The following SDR39U1 variants were observed in gnomAD, a reference collection of about 807,000 sequenced individuals.
SDR39U1 encodes the protein short chain dehydrogenase/reductase family 39U member 1, also known as epimerase family protein SDR39U1.
SDR39U1 carries 29 observed loss-of-function variants against 31.7 expected under a neutral mutation model. That is an observed-to-expected ratio of 0.92 (90% CI 0.68 to 1.25). The LOEUF is 1.25. Ranked by LOEUF, SDR39U1 falls within the 50% of genes most tolerant of loss-of-function variation. The pLI, the probability that SDR39U1 is intolerant of heterozygous loss-of-function variation, is 0.00. For synonymous variants in SDR39U1, 147 were observed against 159.0 expected, an observed-to-expected ratio of 0.92 and a Z score of 0.57; for missense variants, 403 against 378.4, an observed-to-expected ratio of 1.06 and a Z score of -0.54.
rs1444105234 is a variant in SDR39U1 at position 24,442,344 on chromosome 14, A to G, written c.123+2T>C. On this transcript the variant is annotated splice_donor_variant, in intron 2 of 5. Coordinates refer to ENST00000399395, the MANE Select transcript of SDR39U1 (RefSeq NM_020195.3). LOFTEE classifies it high-confidence loss of function. ...CCACCCGCTTCCAGAGGATGGACTT[A>G]CCCACGTGATCCGGCCGGGCCCGGG... 6.2e-7 allele frequency: 1 copy of G among 1,610,168 alleles called. No individual in the cohort carries two copies. The highest frequency in any genetic ancestry group is 8.5e-7 in the Non-Finnish European group (1 of 1,178,412).
At chr14:24,441,008 C>T (rs1566507075) in intron 4 of SDR39U1, 82 bp from the exon 5 acceptor site, 2 of 1,421,906 alleles carry the variant, frequency 1.4e-6, no homozygotes, top group Non-Finnish European at 2.0e-6. Flanking sequence ...CTTGGCCTCA[C>T]CTTCTCTGGC....
chr14:24,441,081 G>T, intron 4 of SDR39U1, 155 bp from the exon 5 acceptor site: 1 of 819,142 alleles, frequency 1.2e-6, no homozygotes, highest in Non-Finnish European at 2.0e-6. Context: ...ACTTCTCCAT[G>T]ACCTGAAGCG....
Position 24,442,207 on chromosome 14 carries a change from G to A in SDR39U1, c.177C>T (p.Ala59=), listed in dbSNP as rs753761597. The change falls in exon 3 of 6, where the codon GCC becomes GCT. Residue 59 remains alanine (A), a synonymous_variant. Transcript: ENST00000399395. ...GGAGAGGGTTGAGGATGTTCTCTCC[G>A]GCCAGGTTGACGGCGGCATCGCAGC... ...LPSCDAAVNL[A]GENILNPLRR... is the part of the protein sequence containing the mutation. 3 of 1,611,982 alleles carry A rather than the reference G, an allele frequency of 1.9e-6. No individual in the cohort carries two copies. The highest frequency in any genetic ancestry group is 2.7e-5 in the African/African-American group (2 of 74,878).
intron 4 of SDR39U1, chr14:24,441,250 T>C (rs1231251657): frequency 8.6e-6 from 4 of 464,862 alleles, no homozygotes; most frequent in African/African-American, 2.0e-5. Context: ...CCTCTCTGTA[T>C]AGAATTTTCA....
Position 24,440,442 on chromosome 14 carries a change from A to T in SDR39U1, c.523T>A (p.Phe175Ile). 2 of 1,611,872 alleles carry T rather than the reference A, an allele frequency of 1.2e-6. No individual in the cohort carries two copies. ...ATGGGGCCCCCCAGGCCCAGGCGAA[A>T]GGGCAGCAGCATGTGGCCCATGGCA... ...GGAMGHMLLP[F>I]RLGLGGPIGS... is the part of the protein sequence containing the mutation. The change falls in exon 6 of 6, where the codon TTT becomes ATT. Residue 175 changes from phenylalanine to isoleucine, a missense_variant. Transcript: ENST00000399395.
rs2043363535 is a variant in SDR39U1, at chr14:24,442,158, G to C, written c.206+20C>G. On this transcript the variant is annotated intron_variant, in intron 3 of 5. Transcript: ENST00000399395. ...CCTCCCTGTGCTCTAGTGGGTATCA[G>C]CTTTAGGGCCCGGGCTGACCTTCGG... The C allele has an allele frequency of 1.9e-6, 3 of 1,604,950 alleles. No individual in the cohort carries two copies. The highest frequency in any genetic ancestry group is 2.6e-6 in the Non-Finnish European group (3 of 1,175,760).
chr14:24,442,807 GTTTACCTCACCTCA>G (rs1440429260), upstream of SDR39U1: 3 of 1,612,632 alleles, frequency 1.9e-6, no homozygotes. Context: ...AAAGTTTAGA[GTTTACCTCACCTCA>G]GACGCGACTA....
At position 24,440,867 on chromosome 14, in the gene SDR39U1, C is replaced by G; in HGVS notation, c.388G>C (p.Asp130His). 6.2e-7 allele frequency: 1 copy of G among 1,613,986 alleles called. No individual in the cohort carries two copies. The highest frequency in any genetic ancestry group is 8.5e-7 in the Non-Finnish European group (1 of 1,179,874). The change falls in exon 5 of 6, where the codon GAC becomes CAC. Residue 130 changes from aspartate to histidine, a missense_variant. Transcript: ENST00000399395. ...YDEDSPGGDFDFFSNLVTKWE... is the reference protein window; with the variant it reads ...YDEDSPGGDFHFFSNLVTKWE... Reference sequence around the variant, plus strand: ...TTGGTTACGAGGTTGGAGAAAAAGTCAAAGTCCCCTCCTGGGCTGTCTTCA... The same window carrying G: ...TTGGTTACGAGGTTGGAGAAAAAGTGAAAGTCCCCTCCTGGGCTGTCTTCA...
At position 24,439,894 on chromosome 14, in the gene SDR39U1, T is replaced by G; in HGVS notation, c.*189A>C. 1 of 550,452 alleles carries G rather than the reference T, an allele frequency of 1.8e-6. No homozygotes were observed. The highest frequency in any genetic ancestry group is 3.2e-6 in the Non-Finnish European group (1 of 316,880). The allele number at this position is 550,452 out of a possible 1,614,324, so 34.1% of individuals were successfully genotyped here. A position where few individuals can be genotyped will look rare whatever the true frequency, so the allele number is the denominator to read the frequency against. On this transcript the variant is annotated 3_prime_UTR_variant, in exon 6 of 6. Coordinates refer to ENST00000399395, the MANE Select transcript of SDR39U1 (RefSeq NM_020195.3). The stretch of plus-strand genomic sequence containing the variant: ...GAAATCTTACAAGGAGTTGAAAAGA[T>G]TAATGTCCCAACCTGATGAGATTAC...
rs754600025 is a variant in SDR39U1, at chr14:24,442,406, A to T, written c.63T>A (p.Asn21Lys). Residue 21 changes from asparagine to lysine, a missense_variant, in exon 2 of 6, where the codon AAT (asparagine) becomes AAA (lysine). Transcript: ENST00000399395. ...CCAACGTCACTTCGTGGCCTCTGGC[A>T]TTCAGCAGCTGGGTTAGGGCTGTCC... ...FIGTALTQLL[N>K]ARGHEVTLVS... is the part of the protein sequence containing the mutation. The T allele has an allele frequency of 6.2e-7, 1 of 1,611,478 alleles. No homozygotes were observed. The highest frequency in any genetic ancestry group is 1.7e-5 in the Admixed American group (1 of 59,734).
intron 3 of SDR39U1, 142 bp from the exon 4 acceptor site, chr14:24,441,937 C>T: frequency 2.2e-6 from 3 of 1,345,220 alleles, no homozygotes; most frequent in South Asian, 1.3e-5. Context: ...TCAACGTCTC[C>T]TGTAGAGGGA....
intron 3 of SDR39U1, 91 bp downstream of exon 3, chr14:24,442,087 A>G: frequency 6.4e-7 from 1 of 1,553,350 alleles, no homozygotes; most frequent in Non-Finnish European, 8.7e-7. Flanking sequence ...GGAATCTGGG[A>G]GCTCCATTAC....
chr14:24,441,746 TG>T lies in SDR39U1; in HGVS notation c.255del (p.Thr86ProfsTer20), dbSNP rs750868578. On this transcript the variant is annotated frameshift_variant, in exon 4 of 6. Transcript: ENST00000399395. LOFTEE classifies it high-confidence loss of function. ...QKEVIGSRLE[T>X]TQLLAKAITK... Reference sequence around the variant, plus strand: ...GTGATGGCTTTAGCCAGCAATTGGGTGGTCTCTAGGCGGCTGCCGATTACCT... The same window carrying T: ...GTGATGGCTTTAGCCAGCAATTGGGTGTCTCTAGGCGGCTGCCGATTACCT... 1 of 1,602,134 alleles carries T rather than the reference TG, an allele frequency of 6.2e-7. No homozygotes were observed. Among genetic ancestry groups the T allele is most frequent in the Non-Finnish European group, 8.5e-7 (1 of 1,176,556 alleles).
chr14:24,440,350 G>A lies in SDR39U1; in HGVS notation c.615C>T (p.Ala205=). 1.9e-6 allele frequency: 3 copies of A among 1,614,042 alleles called. No homozygotes were observed. Among genetic ancestry groups the A allele is most frequent in the South Asian group, 1.1e-5 (1 of 91,076 alleles). Residue 205 remains alanine, a synonymous_variant, in exon 6 of 6, where the codon GCC becomes GCT. Coordinates refer to ENST00000399395, the MANE Select transcript of SDR39U1 (RefSeq NM_020195.3). ...CCCCGTGCACGTGGTTTGCTTCAAG[G>A]GCATGGGTCAGGATTCCTGCCAGGT... ...IGDLAGILTH[A]LEANHVHGVL...
chr14:24,440,922 G>A lies in SDR39U1; in HGVS notation c.333C>T (p.Tyr111=). The change falls in exon 5 of 6, where the codon TAC becomes TAT. Residue 111 remains tyrosine (Y), a synonymous_variant. Transcript: ENST00000399395. ...ACTCCGCAGTCAGACTGGGCTGGTA[G>A]TAAGCTGCCGGTGGAACACAATCAT... ...KAWVLVTGVA[Y]YQPSLTAEYD... is the part of the protein sequence containing the mutation. 2 of 1,614,044 alleles carry A rather than the reference G, an allele frequency of 1.2e-6. No individual in the cohort carries two copies.
rs2043265381 is a variant in SDR39U1, at chr14:24,439,770, T to C, written c.*313A>G. The C allele has an allele frequency of 4.3e-6, 1 of 233,684 alleles. No homozygotes were observed. Among genetic ancestry groups the C allele is most frequent in the East Asian group, 8.9e-5 (1 of 11,180 alleles). 14.5% of individuals were successfully genotyped at this position (233,684 alleles called of 1,614,324 possible). On this transcript the variant is annotated 3_prime_UTR_variant, in exon 6 of 6. Coordinates refer to ENST00000399395, the MANE Select transcript of SDR39U1 (RefSeq NM_020195.3). ...GGCCAAAGAGATGAGCCAAGGTTAG[T>C]GAGACAATTTATTTTTATTGCCTAA... is the stretch of plus-strand genomic sequence containing the variant.
intron 4 of SDR39U1, 31 bp from the exon 5 acceptor site, chr14:24,440,957 G>C: frequency 6.2e-7 from 1 of 1,613,670 alleles, no homozygotes; most frequent in East Asian, 2.2e-5. Context: ...TTTGCCCTGG[G>C]TGTCCTTGGT....
chr14:24,442,538 G>A (rs2043382097), intron 1 of SDR39U1, 86 bp from the exon 2 acceptor site: 1 of 1,353,720 alleles, frequency 7.4e-7, no homozygotes, highest in Non-Finnish European at 1.0e-6. Context: ...CTCTTCCGGC[G>A]CCATCCCATC....
At position 24,440,909 on chromosome 14, in the gene SDR39U1, G is replaced by A. The variant is rs1297359055; in HGVS notation, c.346C>T (p.Leu116=). ...CTGTCTTCATCATACTCCGCAGTCA[G>A]ACTGGGCTGGTAGTAAGCTGCCGGT... ...VTGVAYYQPS[L]TAEYDEDSPG... Residue 116 remains leucine, a synonymous_variant, in exon 5 of 6, where the codon CTG becomes TTG. Coordinates refer to ENST00000399395, the MANE Select transcript of SDR39U1 (RefSeq NM_020195.3). The A allele has an allele frequency of 6.2e-7, 1 of 1,613,936 alleles. No homozygotes were observed. The highest frequency in any genetic ancestry group is 8.5e-7 in the Non-Finnish European group (1 of 1,179,910).
Sources: gnomAD v4.1 joint callset for allele counts on GRCh38, gnomAD v4.1.1 for gene constraint, MANE v1.5 for transcripts, NCBI Gene and HGNC (gene_info 2026-07-23, HGNC 2026-07-21) for gene names.